SMARCA2: variants seen among roughly 807,000 people sequenced by gnomAD.
SMARCA2 encodes SWI/SNF related BAF chromatin remodeling complex subunit ATPase 2, also known as SWI/SNF-related matrix-associated actin-dependent regulator of chromatin subfamily A member 2.
In SMARCA2, 61 loss-of-function variants were observed where a neutral mutation model predicts 199.8. The ratio of observed to expected loss-of-function variants is 0.31; its 90% CI spans 0.25 to 0.38. The LOEUF (loss-of-function observed/expected upper bound fraction) is 0.38. SMARCA2 is among the 10% of genes least tolerant of loss of function. The pLI is 1.00. For missense variants in SMARCA2, 1,344 were observed against 2,012.2 expected (o/e 0.67, Z 6.35); for synonymous variants, 935 against 732.0 (o/e 1.28, Z -4.48).
At chr9:2,167,990 T>C (rs977598419) in intron 28 of SMARCA2, among the ~76,000 whole-genome samples, 8 of 151,960 alleles carry the variant, frequency 5.3e-5, no homozygotes, top group Admixed American at 3.9e-4. Context: ...ATTCAGGACA[T>C]TATAATAATA....
chr9:2,119,922 C>G lies in SMARCA2; in HGVS notation c.3762+387C>G, dbSNP rs984183349. On this transcript the variant is annotated intron_variant, in intron 26 of 33. Transcript: ENST00000349721. This position sits in a 1 kb window ranked among gnomAD's most constrained non-coding sequence, Gnocchi z 4.6. ...ACGCCCTCCTGTTCCCAGTTCGTTTCTAATCCCAGGCCAGTGTCATTCAGG... is the reference window on the plus strand; with the variant it reads ...ACGCCCTCCTGTTCCCAGTTCGTTTGTAATCCCAGGCCAGTGTCATTCAGG... Among the ~76,000 whole-genome samples the G allele has an allele frequency of 4.6e-5, 7 of 152,210 alleles. No individual in the cohort carries two copies. The highest frequency in any genetic ancestry group is 1.0e-4 in the Non-Finnish European group (7 of 68,044).
At chr9:2,157,402 G>A (rs976061624) in intron 27 of SMARCA2, among the ~76,000 whole-genome samples, 1 of 152,118 alleles carries the variant, frequency 6.6e-6, no homozygotes, top group Non-Finnish European at 1.5e-5. Flanking sequence ...TTAGCCCTGG[G>A]CTCTATAACC....
intron 27 of SMARCA2, among the ~76,000 whole-genome samples, chr9:2,143,742 A>G (rs1338856989): frequency 6.6e-6 from 1 of 152,162 alleles, no homozygotes; most frequent in Non-Finnish European, 1.5e-5. Flanking sequence ...AAAGAGAAAT[A>G]TTTGCTTGGT....
intron 23 of SMARCA2, among the ~76,000 whole-genome samples, chr9:2,107,060 C>G (rs953654350): frequency 6.6e-6 from 1 of 152,078 alleles, no homozygotes; most frequent in African/African-American, 2.4e-5. Context: ...TAGACTGTTA[C>G]ATGGTAGTTT....
At chr9:2,069,305 T>G (rs1820985518) in intron 9 of SMARCA2, among the ~76,000 whole-genome samples, 1 of 151,390 alleles carries the variant, frequency 6.6e-6, no homozygotes, top group African/African-American at 2.4e-5. Context: ...TAAGAAATGG[T>G]AGATAGGCTG....
At chr9:2,165,054 G>A (rs945580626) in intron 28 of SMARCA2, among the ~76,000 whole-genome samples, 1 of 152,198 alleles carries the variant, frequency 6.6e-6, no homozygotes, top group Non-Finnish European at 1.5e-5. Flanking sequence ...TTTAGAAAAT[G>A]CTGCTGGGAG....
intron 25 of SMARCA2, among the ~76,000 whole-genome samples, chr9:2,118,747 T>C (rs1439820011): frequency 6.6e-6 from 1 of 152,228 alleles, no homozygotes; most frequent in Non-Finnish European, 1.5e-5. Flanking sequence ...AATGTACCTT[T>C]GTTTGACGTA....
intron 27 of SMARCA2, among the ~76,000 whole-genome samples, chr9:2,148,600 C>G (rs1444873221): frequency 6.6e-6 from 1 of 151,414 alleles, no homozygotes; most frequent in Admixed American, 6.6e-5. Flanking sequence ...ATTAACTCGT[C>G]ATTTAGCATT....
intron 13 of SMARCA2, among the ~76,000 whole-genome samples, chr9:2,076,914 A>G (rs1326078879): frequency 6.6e-6 from 1 of 152,106 alleles, no homozygotes; most frequent in East Asian, 1.9e-4. Flanking sequence ...TAGCTGTACT[A>G]TTAAAAGAAA....
At chr9:2,130,314 C>G (rs1260170655) in intron 27 of SMARCA2, among the ~76,000 whole-genome samples, 1 of 152,200 alleles carries the variant, frequency 6.6e-6, no homozygotes, top group Non-Finnish European at 1.5e-5. Flanking sequence ...TGTGCTGTGG[C>G]TTCTTGTGCC....
Position 2,110,446 on chromosome 9 carries a change from C to T in SMARCA2, c.3456+29C>T. 6.5e-7 allele frequency: 1 copy of T among 1,546,620 alleles called. No homozygotes were observed. The highest frequency in any genetic ancestry group is 1.2e-5 in the South Asian group (1 of 80,460). On this transcript the variant is annotated intron_variant, in intron 24 of 33. Coordinates refer to ENST00000349721, the MANE Select transcript of SMARCA2 (RefSeq NM_003070.5). The surrounding 1 kb of genome is among the most constrained non-coding windows in gnomAD (Gnocchi z 4.8). Reference sequence around the variant, plus strand: ...TGCATGTCCCACTCAGGTGCCCAGGCCTCCCTCTGGAGAGCAACTAAAAGA... The same window carrying T: ...TGCATGTCCCACTCAGGTGCCCAGGTCTCCCTCTGGAGAGCAACTAAAAGA...
At chr9:2,147,494 T>C (rs1482573975) in intron 27 of SMARCA2, among the ~76,000 whole-genome samples, 1 of 152,226 alleles carries the variant, frequency 6.6e-6, no homozygotes, top group Non-Finnish European at 1.5e-5. Flanking sequence ...CTAGAACACA[T>C]AAATCACACA....
chr9:2,180,066 C>T lies in SMARCA2; in HGVS notation c.4254-1505C>T, dbSNP rs561693773. 6.6e-5 allele frequency among the ~76,000 whole-genome samples: 10 copies of T among 152,086 alleles called. No individual in the cohort carries two copies. The South Asian group carries it at 1.0e-3, about 16-fold the overall frequency. On this transcript the variant is annotated intron_variant, in intron 29 of 33. Transcript: ENST00000349721. ...CTATGTGGCATAAGTTAGGGAAGGA[C>T]GAACGCATTTCTCGAAGAGATGTGA...
chr9:2,113,261 C>CAA (rs3838720), intron 24 of SMARCA2, among the ~76,000 whole-genome samples: 2 of 151,222 alleles, frequency 1.3e-5, no homozygotes, highest in Non-Finnish European at 3.0e-5. Flanking sequence ...GTGGAATTAA[C>CAA]AAAAAAAAAT....
At chr9:2,152,816 C>T (rs1318132662) in intron 27 of SMARCA2, among the ~76,000 whole-genome samples, 1 of 152,064 alleles carries the variant, frequency 6.6e-6, no homozygotes, top group Admixed American at 6.6e-5. Context: ...CACGCCACTG[C>T]ACTCCAGCCT....
chr9:2,190,764 G>A (rs1827823444), intron 32 of SMARCA2, among the ~76,000 whole-genome samples: 1 of 151,942 alleles, frequency 6.6e-6, no homozygotes, highest in African/African-American at 2.4e-5. Flanking sequence ...ATTCAAAAGT[G>A]TTTTCTTTTT....
chr9:2,188,715 G>A (rs955977853), intron 32 of SMARCA2, among the ~76,000 whole-genome samples: 1 of 152,082 alleles, frequency 6.6e-6, no homozygotes, highest in Non-Finnish European at 1.5e-5. Flanking sequence ...ACCTCTTGTG[G>A]GTCACAGGTT....
intron 5 of SMARCA2, among the ~76,000 whole-genome samples, chr9:2,052,334 C>T (rs373311323): frequency 6.6e-6 from 1 of 152,096 alleles, no homozygotes; most frequent in Non-Finnish European, 1.5e-5. Context: ...ATTAGCTGGG[C>T]GTGGTGGCAC....
intron 26 of SMARCA2, among the ~76,000 whole-genome samples, chr9:2,122,096 C>T (rs1241058022): frequency 6.6e-6 from 1 of 152,070 alleles, no homozygotes; most frequent in Non-Finnish European, 1.5e-5. Flanking sequence ...CTTATGTAAT[C>T]GAATCTACCT....
Sources: allele counts gnomAD v4.1 joint callset (sites outside exome capture counted in the v4.1 genomes callset), GRCh38; gene constraint gnomAD v4.1.1; non-coding constraint Gnocchi (gnomAD v3.1); transcripts MANE v1.5; gene names NCBI Gene and HGNC (gene_info 2026-07-23, HGNC 2026-07-21).